Variants in CSMD1 observed in about 807,000 individuals in gnomAD.
The protein encoded by CSMD1 is CUB and sushi domain-containing protein 1.
CSMD1 carries 213 observed loss-of-function variants against 417.5 expected under a neutral mutation model. That is an observed-to-expected ratio of 0.51 (90% confidence interval 0.46 to 0.57). CSMD1 has a LOEUF of 0.57. CSMD1 is among the 20% of genes least tolerant of loss of function. The pLI, the probability that CSMD1 is intolerant of heterozygous loss-of-function variation, is 0.00. For missense variants in CSMD1, 6,923 were observed against 4,529.7 expected, an observed-to-expected ratio of 1.53 and a Z score of -15.17; for synonymous variants, 2,862 against 1,736.8, an observed-to-expected ratio of 1.65 and a Z score of -16.11.
At chr8:3,723,602 G>A (rs1040114072) in intron 6 of CSMD1, among the ~76,000 whole-genome samples, 4 of 152,092 alleles carry the variant, frequency 2.6e-5, no homozygotes, top group Admixed American at 2.6e-4. Context: ...ATGAAATTCG[G>A]GTTTTCAAGA....
intron 4 of CSMD1, among the ~76,000 whole-genome samples, chr8:4,007,248 A>G (rs1054315817): frequency 1.3e-5 from 2 of 152,130 alleles, no homozygotes; most frequent in Non-Finnish European, 2.9e-5. Flanking sequence ...CACCACTCAT[A>G]ATAAAACCAA....
chr8:4,359,712 T>C lies in CSMD1; in HGVS notation c.415+60241A>G, dbSNP rs537207174. On this transcript the variant is annotated intron_variant, in intron 3 of 69. Coordinates refer to ENST00000635120, the MANE Select transcript of CSMD1 (RefSeq NM_033225.6). ...CTCTGGGTTTTAGTGTGTTTGTCTA[T>C]AGACAGGAGCACTGTGGCCTGGCCC... Among the ~76,000 whole-genome samples, 389 of 152,324 alleles carry C rather than the reference T, an allele frequency of 2.6e-3. 2 individuals are homozygous for C. The highest frequency in any genetic ancestry group is 9.0e-3 in the African/African-American group (374 of 41,574).
chr8:4,856,580 G>A (rs1183279712), intron 1 of CSMD1, among the ~76,000 whole-genome samples: 2 of 141,864 alleles, frequency 1.4e-5, no homozygotes, highest in African/African-American at 5.6e-5. Context: ...GATCTACCAA[G>A]CCAATGGAAA....
intron 3 of CSMD1, among the ~76,000 whole-genome samples, chr8:4,162,228 A>C (rs970817335): frequency 9.9e-5 from 15 of 152,208 alleles, no homozygotes; most frequent in African/African-American, 3.1e-4. Context: ...TTATGTTACC[A>C]GTATTCATCT....
intron 1 of CSMD1, among the ~76,000 whole-genome samples, chr8:4,707,232 C>G (rs763474376): frequency 9.9e-5 from 15 of 152,172 alleles, no homozygotes; most frequent in Non-Finnish European, 1.5e-4. Flanking sequence ...TACATTATCT[C>G]ATTTTCATTC....
At chr8:3,860,748 C>T (rs1804644611) in intron 5 of CSMD1, among the ~76,000 whole-genome samples, 1 of 152,094 alleles carries the variant, frequency 6.6e-6, no homozygotes, top group Admixed American at 6.6e-5. Flanking sequence ...ATTTTGAACC[C>T]AGGTAAGTTT....
chr8:3,984,209 G>A (rs1227037819), intron 5 of CSMD1, among the ~76,000 whole-genome samples: 1 of 152,232 alleles, frequency 6.6e-6, no homozygotes, highest in Non-Finnish European at 1.5e-5. Flanking sequence ...CTTGCACCCA[G>A]CCACCTGCAC....
chr8:4,355,425 T>A (rs983178190), intron 3 of CSMD1, among the ~76,000 whole-genome samples: 2 of 152,090 alleles, frequency 1.3e-5, no homozygotes, highest in African/African-American at 4.8e-5. Flanking sequence ...AATTCAGGTA[T>A]CTTCTTTATG....
intron 11 of CSMD1, among the ~76,000 whole-genome samples, chr8:3,489,807 C>A (rs1031779284): frequency 1.3e-5 from 2 of 152,112 alleles, no homozygotes; most frequent in African/African-American, 2.4e-5. Flanking sequence ...CTCTTAAAAT[C>A]GAGATGTAAC....
At chr8:4,756,619 T>A (rs1811683999) in intron 1 of CSMD1, among the ~76,000 whole-genome samples, 1 of 152,216 alleles carries the variant, frequency 6.6e-6, no homozygotes, top group Non-Finnish European at 1.5e-5. Flanking sequence ...TTTGGCTCAC[T>A]AATTGTCTCA....
chr8:2,990,976 A>C (rs959745534), intron 54 of CSMD1, among the ~76,000 whole-genome samples: 8 of 152,128 alleles, frequency 5.3e-5, no homozygotes, highest in Non-Finnish European at 8.8e-5. Context: ...TTTTCCCTTC[A>C]GTTGTAGATT....
intron 26 of CSMD1, among the ~76,000 whole-genome samples, chr8:3,246,219 A>G (rs73185548): frequency 2.6e-5 from 4 of 152,042 alleles, no homozygotes; most frequent in Non-Finnish European, 5.9e-5. Flanking sequence ...CCTGCCTGCC[A>G]CACATCCACT....
intron 48 of CSMD1, among the ~76,000 whole-genome samples, chr8:3,088,823 G>C (rs1400954454): frequency 8.1e-5 from 11 of 135,456 alleles, no homozygotes; most frequent in African/African-American, 2.8e-4. Flanking sequence ...AATATCAATG[G>C]CTTGGAATCA....
At chr8:3,563,398 T>TAA (rs200586505) in intron 10 of CSMD1, among the ~76,000 whole-genome samples, 1 of 49,150 alleles carries the variant, frequency 2.0e-5, no homozygotes, top group African/African-American at 7.0e-5. Context: ...AGAAAAATTG[T>TAA]AAAAAAAAGT....
At chr8:3,289,683 T>C (rs1226169142) in intron 25 of CSMD1, among the ~76,000 whole-genome samples, 1 of 147,438 alleles carries the variant, frequency 6.8e-6, no homozygotes, top group Non-Finnish European at 1.5e-5. Context: ...GTTTGTTTTT[T>C]TCTTGAAAAT....
intron 5 of CSMD1, among the ~76,000 whole-genome samples, chr8:3,886,318 G>A (rs902362800): frequency 6.6e-6 from 1 of 152,158 alleles, no homozygotes; most frequent in African/African-American, 2.4e-5. Context: ...CAAAGTGCTG[G>A]GATTACAGGC....
chr8:3,269,025 C>G (rs889288477), intron 26 of CSMD1, among the ~76,000 whole-genome samples: 3 of 152,162 alleles, frequency 2.0e-5, no homozygotes, highest in African/African-American at 7.2e-5. Context: ...TTGATTCTCT[C>G]CTTCGATTTG....
chr8:4,450,040 T>C (rs2129806859), intron 2 of CSMD1, among the ~76,000 whole-genome samples: 1 of 152,316 alleles, frequency 6.6e-6, no homozygotes, highest in South Asian at 2.1e-4. Context: ...CCTTGATGAC[T>C]GGGTTCCACT....
intron 6 of CSMD1, among the ~76,000 whole-genome samples, chr8:3,728,656 A>T (rs995774313): frequency 6.6e-6 from 1 of 151,914 alleles, no homozygotes; most frequent in Non-Finnish European, 1.5e-5. Flanking sequence ...TGGGGAGCAC[A>T]GATGGAACAG....
Sources: gnomAD v4.1 joint callset for allele counts (sites outside exome capture counted in the v4.1 genomes callset) on GRCh38, gnomAD v4.1.1 for gene constraint, MANE v1.5 for transcripts, NCBI Gene and HGNC (gene_info 2026-07-23, HGNC 2026-07-21) for gene names.